Variants in CDC42BPB observed in about 807,000 individuals in gnomAD.
The protein encoded by CDC42BPB is serine/threonine-protein kinase MRCK beta.
A neutral mutation model predicts 214.9 loss-of-function variants in CDC42BPB; 37 were observed. The observed-to-expected ratio is 0.17, with a 90% confidence interval of 0.13 to 0.23. The LOEUF (loss-of-function observed/expected upper bound fraction) is 0.23, where lower values mean the gene tolerates loss of function less well. Ranked by LOEUF, CDC42BPB falls within the 10% of genes least tolerant of loss-of-function variation. The probability of loss-of-function intolerance (pLI) is 1.00; values close to 1 mark genes in which losing one functional copy is unlikely to be tolerated. For missense variants in CDC42BPB, 1,694 were observed against 2,227.0 expected (o/e 0.76, Z 4.82); for synonymous variants, 931 against 884.0 (o/e 1.05, Z -0.94).
chr14:102,957,574 A>C (rs985847891), intron 21 of CDC42BPB, among the ~76,000 whole-genome samples: 2 of 152,246 alleles, frequency 1.3e-5, no homozygotes, highest in South Asian at 2.1e-4. Context: ...CCGGTTAAAT[A>C]GATTTGCTTC....
At chr14:102,968,038 T>C (rs1002660779) in intron 16 of CDC42BPB, among the ~76,000 whole-genome samples, 1 of 151,488 alleles carries the variant, frequency 6.6e-6, no homozygotes, top group Non-Finnish European at 1.5e-5. Context: ...GAGGTTGCAG[T>C]GAGCCAAGAT....
Position 102,943,770 on chromosome 14 carries a change from C to T in CDC42BPB, c.4408+121G>A, listed in dbSNP as rs576268495. On this transcript the variant is annotated intron_variant, in intron 30 of 36. Coordinates refer to ENST00000361246, the MANE Select transcript of CDC42BPB (RefSeq NM_006035.4). This position sits in a 1 kb window ranked among gnomAD's most constrained non-coding sequence, Gnocchi z 4.6. ...CGGGCTGGCATGGGGCCCACCTCTC[C>T]CGATGCTCTGTGACTACTCAACTAA... is the stretch of plus-strand genomic sequence containing the variant. The T allele has an allele frequency of 5.0e-4, 436 of 867,538 alleles. 1 individual carries two copies. The highest frequency in any genetic ancestry group is 9.7e-4 in the Admixed American group (38 of 39,276). 53.7% of individuals were successfully genotyped at this position (867,538 alleles called of 1,614,324 possible).
chr14:103,042,793 C>G (rs1426714326), intron 1 of CDC42BPB, among the ~76,000 whole-genome samples: 3 of 152,110 alleles, frequency 2.0e-5, no homozygotes, highest in Non-Finnish European at 4.4e-5. Context: ...CAAGTGCTGG[C>G]AAGGATGCGG....
In CDC42BPB at chr14:103,001,981, G is replaced by A. The variant is rs143021874; in HGVS notation, c.447+1947C>T. ...CCAGAATGAGAATCAGACCTAGTCT[G>A]TCCTGTCACAGAACGCGGGGTGCTG... On this transcript the variant is annotated intron_variant, in intron 4 of 36. Transcript: ENST00000361246. The surrounding 1 kb of genome is among the most constrained non-coding windows in gnomAD (Gnocchi z 5.8). Among the ~76,000 whole-genome samples the A allele has an allele frequency of 2.0e-3, 300 of 152,356 alleles. 2 individuals are homozygous for A. The highest frequency in any genetic ancestry group is 6.9e-3 in the African/African-American group (285 of 41,570).
At chr14:102,961,651 CT>C (rs929629178) in intron 20 of CDC42BPB, among the ~76,000 whole-genome samples, 1 of 152,060 alleles carries the variant, frequency 6.6e-6, no homozygotes, top group African/African-American at 2.4e-5. Flanking sequence ...TCAAACAATA[CT>C]CCTGCCTCAG....
rs1895154944 is a variant in CDC42BPB, at chr14:103,004,771, A to AC, written c.352-749_352-748insG. 6.6e-6 allele frequency among the ~76,000 whole-genome samples: 1 copy of AC among 151,992 alleles called. No individual in the cohort carries two copies. Among genetic ancestry groups the AC allele is most frequent in the Non-Finnish European group, 1.5e-5 (1 of 67,994 alleles). The stretch of plus-strand genomic sequence containing the variant: ...GTAATCCCAGCTACATGGGAGGCTG[A>AC]GGGGGGAGAACTGCTTGAGCCCAGG... On this transcript the variant is annotated intron_variant, in intron 3 of 36. Coordinates refer to ENST00000361246, the MANE Select transcript of CDC42BPB (RefSeq NM_006035.4). The surrounding 1 kb of genome is among the most constrained non-coding windows in gnomAD (Gnocchi z 5.3).
chr14:103,023,890 G>C (rs1368115858), intron 1 of CDC42BPB, among the ~76,000 whole-genome samples: 4 of 152,190 alleles, frequency 2.6e-5, no homozygotes, highest in African/African-American at 9.7e-5. Flanking sequence ...GCAGCACACA[G>C]TGCAGGGAAA....
Position 103,057,324 on chromosome 14 carries a change from G to A in CDC42BPB, c.-151C>T. The A allele has an allele frequency of 1.9e-6, 2 of 1,042,484 alleles. No individual in the cohort carries two copies. Among genetic ancestry groups the A allele is most frequent in the Non-Finnish European group, 2.3e-6 (2 of 869,094 alleles). 64.6% of individuals were successfully genotyped at this position (1,042,484 alleles called of 1,614,324 possible). Reference sequence around the variant, plus strand: ...GTCCGCGTCGTCGCGCCCCGGCCTAGGCCGACATCTTGGGCTCCGTCCCGA... The same window carrying A: ...GTCCGCGTCGTCGCGCCCCGGCCTAAGCCGACATCTTGGGCTCCGTCCCGA... On this transcript the variant is annotated 5_prime_UTR_variant, in exon 1 of 37. Transcript: ENST00000361246.
chr14:103,011,963 G>A lies in CDC42BPB; in HGVS notation c.267+134C>T, dbSNP rs1325997443. The A allele has an allele frequency of 1.5e-5, 10 of 685,048 alleles. No individual in the cohort carries two copies. In the Middle Eastern group the frequency reaches 1.7e-3, roughly 114 times the overall value. 42.4% of individuals were successfully genotyped at this position (685,048 alleles called of 1,614,324 possible). On this transcript the variant is annotated intron_variant, in intron 2 of 36. Coordinates refer to ENST00000361246, the MANE Select transcript of CDC42BPB (RefSeq NM_006035.4). ...AGACCTCATCTTAGAAAGAGAGAGA[G>A]GAAAAAACAAACTCTCCAAATAATA... is the stretch of plus-strand genomic sequence containing the variant.
chr14:102,959,168 G>A (rs1431471115), intron 21 of CDC42BPB, among the ~76,000 whole-genome samples: 1 of 151,728 alleles, frequency 6.6e-6, no homozygotes, highest in East Asian at 2.0e-4. Context: ...GTGGTGGTGG[G>A]TGCCTGTAGT....
At position 102,959,836 on chromosome 14, in the gene CDC42BPB, A is replaced by AT. The variant is rs1034345886; in HGVS notation, c.2822-127dup. 1.3e-5 allele frequency: 12 copies of AT among 904,128 alleles called. No homozygotes were observed. The East Asian group carries it at 2.2e-4, about 16-fold the overall frequency. 56.0% of individuals were successfully genotyped at this position (904,128 alleles called of 1,614,324 possible). On this transcript the variant is annotated intron_variant, in intron 20 of 36. Transcript: ENST00000361246. ...AACTGATACATCTGACATGATCACAATTAAAAAAAAAAAAAAAAAAAAAAG... is the reference window on the plus strand; with the variant it reads ...AACTGATACATCTGACATGATCACAATTTAAAAAAAAAAAAAAAAAAAAAAG...
chr14:102,940,418 G>A, intron 30 of CDC42BPB, 94 bp from the exon 31 acceptor site: 2 of 1,534,276 alleles, frequency 1.3e-6, no homozygotes, highest in Non-Finnish European at 1.8e-6. Context: ...TTGAACAAGT[G>A]CAGAGGCGGC....
chr14:102,982,976 G>A (rs1348355373), intron 7 of CDC42BPB, among the ~76,000 whole-genome samples: 2 of 152,162 alleles, frequency 1.3e-5, no homozygotes, highest in African/African-American at 4.8e-5. Context: ...AGGAGGTGGA[G>A]AGAGGTGACA....
intron 25 of CDC42BPB, 53 bp downstream of exon 25, chr14:102,950,413 G>A (rs974444737): frequency 1.9e-6 from 3 of 1,602,598 alleles, no homozygotes; most frequent in Middle Eastern, 2.1e-4. Flanking sequence ...ATGGCTATTG[G>A]TCACTGCACC....
chr14:102,999,806 G>C, intron 4 of CDC42BPB, 93 bp from the exon 5 acceptor site: 2 of 1,545,404 alleles, frequency 1.3e-6, no homozygotes, highest in Non-Finnish European at 1.8e-6. Context: ...GAGGTTCTCA[G>C]GCTCCAGGTC....
chr14:102,936,860 A>C (rs908969502), intron 36 of CDC42BPB: 2 of 152,214 alleles, frequency 1.3e-5, no homozygotes. Context: ...GTCACTGAGT[A>C]GTTTAAAGTA....
At chr14:103,036,259 T>C (rs1336666122) in intron 1 of CDC42BPB, among the ~76,000 whole-genome samples, 1 of 151,428 alleles carries the variant, frequency 6.6e-6, no homozygotes, top group African/African-American at 2.4e-5. Flanking sequence ...TTCACACCAT[T>C]CTCCTGTCTC....
rs767820157 is a variant in CDC42BPB, at chr14:102,975,814, G to A, written c.1388-11C>T. Reference sequence around the variant, plus strand: ...CGGTCTGGGTGGACTCTGAGGGATGGAGAGACAGCGTGAGGTGCAGCCTGG... The same window carrying A: ...CGGTCTGGGTGGACTCTGAGGGATGAAGAGACAGCGTGAGGTGCAGCCTGG... On this transcript the variant is annotated splice_polypyrimidine_tract_variant and intron_variant, in intron 10 of 36. Coordinates refer to ENST00000361246, the MANE Select transcript of CDC42BPB (RefSeq NM_006035.4). 1.2e-5 allele frequency: 20 copies of A among 1,614,162 alleles called. No individual in the cohort carries two copies. Among genetic ancestry groups the A allele is most frequent in the Middle Eastern group, 1.6e-4 (1 of 6,062 alleles).
chr14:102,975,321 C>T (rs990856439), intron 11 of CDC42BPB, among the ~76,000 whole-genome samples: 9 of 152,214 alleles, frequency 5.9e-5, no homozygotes, highest in South Asian at 2.1e-4. Flanking sequence ...GTCAGGAGTT[C>T]GAGACCAGCC....
Sources: allele counts gnomAD v4.1 joint callset (sites outside exome capture counted in the v4.1 genomes callset), GRCh38; gene constraint gnomAD v4.1.1; non-coding constraint Gnocchi (gnomAD v3.1); transcripts MANE v1.5; gene names NCBI Gene and HGNC (gene_info 2026-07-23, HGNC 2026-07-21).